Variants in OGT observed in about 807,000 individuals in gnomAD.
The protein encoded by OGT is O-linked N-acetylglucosamine (GlcNAc) transferase.
In OGT, 3 loss-of-function variants were observed where a neutral mutation model predicts 75.8. The observed-to-expected ratio is 0.04, with a 90% CI of 0.02 to 0.10. The LOEUF is 0.10. Ranked by LOEUF, OGT falls within the 10% of genes least tolerant of loss-of-function variation. The probability of loss-of-function intolerance (pLI) is 1.00; values close to 1 mark genes in which losing one functional copy is unlikely to be tolerated. For missense variants in OGT, 260 were observed against 824.4 expected, an observed-to-expected ratio of 0.32 and a Z score of 8.38; for synonymous variants, 257 against 289.7, an observed-to-expected ratio of 0.89 and a Z score of 1.15.
chrX:71,566,051 A>G (rs1004843913), intron 19 of OGT, among the ~76,000 whole-genome samples: 13 of 112,534 alleles, frequency 1.2e-4, no homozygotes, highest in African/African-American at 3.2e-4. Context: ...CCATAGAACT[A>G]AAATAAAATG....
intron 3 of OGT, among the ~76,000 whole-genome samples, chrX:71,543,693 T>G (rs2040236328): frequency 9.3e-6 from 1 of 107,575 alleles, no homozygotes; most frequent in African/African-American, 3.4e-5. Flanking sequence ...CAGAAGTGAT[T>G]CATCATAACC....
chrX:71,572,074 A>G (rs2040462881), intron 21 of OGT, among the ~76,000 whole-genome samples: 2 of 111,605 alleles, frequency 1.8e-5, no homozygotes, highest in African/African-American at 3.2e-5. Flanking sequence ...CAACCGAGAA[A>G]TACCTTTGTA....
chrX:71,560,275 CAA>C (rs764918597), intron 14 of OGT, among the ~76,000 whole-genome samples: 2 of 45,825 alleles, frequency 4.4e-5, no homozygotes, highest in Non-Finnish European at 8.8e-5. Context: ...GACTCTGTCT[CAA>C]AAAAAAAAAA....
chrX:71,571,605 C>A (rs1408469047), intron 21 of OGT, among the ~76,000 whole-genome samples: 2 of 111,895 alleles, frequency 1.8e-5, no homozygotes, highest in Non-Finnish European at 3.8e-5. Context: ...TGGCAGGTTG[C>A]CCAGGCTGGT....
intron 6 of OGT, 35 bp downstream of exon 6, chrX:71,554,627 A>G: frequency 9.4e-7 from 1 of 1,069,086 alleles, no homozygotes; most frequent in Non-Finnish European, 1.3e-6. Context: ...ATTTTCTTGA[A>G]TCTTTGTTGT....
At chrX:71,569,996 A>G (rs2147695739) in intron 21 of OGT, among the ~76,000 whole-genome samples, 1 of 96,954 alleles carries the variant, frequency 1.0e-5, no homozygotes, top group South Asian at 5.1e-4. Flanking sequence ...GGCCTCCCAA[A>G]GTGCTGCGAT....
At chrX:71,539,264 C>T (rs912552314) in intron 3 of OGT, among the ~76,000 whole-genome samples, 3 of 112,649 alleles carry the variant, frequency 2.7e-5, no homozygotes, top group African/African-American at 6.4e-5. Flanking sequence ...TTCAAAGATC[C>T]GAAGTCACTT....
At chrX:71,561,726 T>G in intron 14 of OGT, 49 bp from the exon 15 acceptor site, 2 of 1,058,171 alleles carry the variant, frequency 1.9e-6, no homozygotes, top group Non-Finnish European at 2.5e-6. Context: ...TCATTAAAAC[T>G]AATTGATCTG....
chrX:71,537,790 C>T lies in OGT; in HGVS notation c.219-39C>T, dbSNP rs373841859. On this transcript the variant is annotated intron_variant, in intron 2 of 21. Transcript: ENST00000373719. The stretch of plus-strand genomic sequence containing the variant: ...ATGGGCCATACCTTCTTTTCTGTAA[C>T]GTGCATACCCATGCATTAACACTTG... 1.9e-4 allele frequency: 226 copies of T among 1,197,993 alleles called. No homozygotes were observed. The Middle Eastern group carries it at 4.2e-3, about 22-fold the overall frequency.
intron 21 of OGT, among the ~76,000 whole-genome samples, chrX:71,571,444 A>T (rs1022871073): frequency 8.9e-6 from 1 of 112,252 alleles, no homozygotes; most frequent in Non-Finnish European, 1.9e-5. Flanking sequence ...TCTGTTTCCC[A>T]GGCTGGAGTA....
chrX:71,559,046 C>T (rs1355144808), intron 12 of OGT, among the ~76,000 whole-genome samples: 1 of 105,983 alleles, frequency 9.4e-6, no homozygotes, highest in African/African-American at 3.5e-5. Context: ...CTTCCCAGAG[C>T]GCTGGGATTT....
chrX:71,563,402 A>G lies in OGT; in HGVS notation c.2339A>G (p.Asn780Ser). The G allele has an allele frequency of 8.3e-7, 1 of 1,202,308 alleles. No homozygotes were observed. The highest frequency in any genetic ancestry group is 1.1e-6 in the Non-Finnish European group (1 of 886,917). ...TALNMPVIPM[N>S]TIAEAVIEMI... ...CTTAATATGCCTGTTATTCCTATGA[A>G]TACTATTGCAGAAGCAGTTATTGAA... is the stretch of plus-strand genomic sequence containing the variant. Residue 780 changes from asparagine (N) to serine (S), a missense_variant, in exon 18 of 22, where the codon AAT (asparagine) becomes AGT (serine). By Grantham distance (46) the Asn-to-Ser change is conservative (BLOSUM62 1). This residue lies in a region of OGT where 79 missense variants were observed against 141.0 expected (regional missense o/e 0.56). Transcript: ENST00000373719.
At chrX:71,545,691 T>C (rs934756122) in intron 4 of OGT, 3 of 112,775 alleles carry the variant, frequency 2.7e-5, no homozygotes, top group African/African-American at 9.7e-5. Context: ...GCACTAGTTT[T>C]AAGTGCACAG....
At position 71,575,514 on chromosome X, in the gene OGT, A is replaced by G. The variant is rs1401073754; in HGVS notation, c.*1720A>G. On this transcript the variant is annotated 3_prime_UTR_variant, in exon 22 of 22. Transcript: ENST00000373719. ...ATTGAAATATCAGTTAAAGGTTGCCAGCATGGTTGCAGATAAACTGATGTT... is the reference window on the plus strand; with the variant it reads ...ATTGAAATATCAGTTAAAGGTTGCCGGCATGGTTGCAGATAAACTGATGTT... The G allele has an allele frequency of 8.9e-6, 1 of 112,792 alleles. No individual in the cohort carries two copies. The highest frequency in any genetic ancestry group is 1.9e-5 in the Non-Finnish European group (1 of 53,314). The allele number at this position is 112,792 out of a possible 1,213,427, so 9.3% of individuals were successfully genotyped here. A position where few individuals can be genotyped will look rare whatever the true frequency, so the allele number is the denominator to read the frequency against.
At chrX:71,572,587 G>A (rs1285338190) in intron 21 of OGT, among the ~76,000 whole-genome samples, 1 of 111,048 alleles carries the variant, frequency 9.0e-6, no homozygotes, top group African/African-American at 3.3e-5. Context: ...GGACAACATG[G>A]CGAGACCCCA....
At position 71,543,760 on chromosome X, in the gene OGT, GTGTGTGTATATATATA is replaced by G. The variant is rs2040238777; in HGVS notation, c.463-805_463-790del. ...TGTGTGTGTGTGTGTGTGTGTGTGT[GTGTGTGTATATATATA>G]TATATATATATATATATTTCCTTTT... is the stretch of plus-strand genomic sequence containing the variant. On this transcript the variant is annotated intron_variant, in intron 3 of 21. Transcript: ENST00000373719. 1.6e-4 allele frequency among the ~76,000 whole-genome samples: 10 copies of G among 62,545 alleles called. No homozygotes were observed. In the East Asian group the frequency reaches 9.9e-3, roughly 62 times the overall value. 54.3% of individuals were successfully genotyped at this position (62,545 alleles called of 115,157 possible).
chrX:71,552,469 A>G (rs750173473), intron 5 of OGT, among the ~76,000 whole-genome samples: 20 of 104,662 alleles, frequency 1.9e-4, no homozygotes, highest in African/African-American at 6.3e-4. Context: ...GCTCACTGCA[A>G]CCTTCACCTC....
At position 71,559,903 on chromosome X, in the gene OGT, T is replaced by G. The variant is rs780934897; in HGVS notation, c.1851+226T>G. Among the ~76,000 whole-genome samples, 3 of 111,834 alleles carry G rather than the reference T, an allele frequency of 2.7e-5. No individual in the cohort carries two copies. In the South Asian group the frequency reaches 1.1e-3, roughly 41 times the overall value. On this transcript the variant is annotated intron_variant, in intron 14 of 21. Coordinates refer to ENST00000373719, the MANE Select transcript of OGT (RefSeq NM_181672.3). ...CTTGTGCTTGGACATACAACTTTTC[T>G]GGAGATTGAGCCAGCACTTGTGACA... is the stretch of plus-strand genomic sequence containing the variant.
At chrX:71,558,805 G>T (rs1159195458) in intron 12 of OGT, among the ~76,000 whole-genome samples, 2 of 72,418 alleles carry the variant, frequency 2.8e-5, no homozygotes, top group Non-Finnish European at 2.4e-5. Flanking sequence ...ACAGGGTCTT[G>T]CTCTGTTGCC....
Sources: gnomAD v4.1 joint callset for allele counts (sites outside exome capture counted in the v4.1 genomes callset) on GRCh38, gnomAD v4.1.1 for gene constraint, gnomAD v4.1.1 regional missense constraint, MANE v1.5 for transcripts, NCBI Gene and HGNC (gene_info 2026-07-23, HGNC 2026-07-21) for gene names.